Variants in SEMA3C observed in about 807,000 individuals in gnomAD.
SEMA3C encodes semaphorin 3C.
In SEMA3C, 47 loss-of-function variants were observed where a neutral mutation model predicts 89.4. That is an observed-to-expected ratio of 0.53 (90% confidence interval 0.42 to 0.67). SEMA3C has a LOEUF of 0.67. Among genes scored for constraint, SEMA3C ranks in the 30% least tolerant of loss-of-function variants. SEMA3C has a pLI of 0.00. For synonymous variants in SEMA3C, 310 were observed against 320.2 expected, an observed-to-expected ratio of 0.97 and a Z score of 0.34; for missense variants, 839 against 929.1, an observed-to-expected ratio of 0.90 and a Z score of 1.26.
chr7:80,764,990 T>C (rs899090999), intron 13 of SEMA3C, among the ~76,000 whole-genome samples, 165 bp downstream of exon 13: 1 of 152,226 alleles, frequency 6.6e-6, no homozygotes, highest in African/African-American at 2.4e-5. Context: ...GCAAAAATAT[T>C]TGTTCTGTAT....
At chr7:80,786,478 C>G (rs2115563931) in intron 12 of SEMA3C, among the ~76,000 whole-genome samples, 1 of 150,746 alleles carries the variant, frequency 6.6e-6, no homozygotes, top group South Asian at 2.1e-4. Flanking sequence ...AAAGAGAAAA[C>G]AGTCATCTTT....
At chr7:80,921,927 C>A (rs532228199), upstream of SEMA3C, among the ~76,000 whole-genome samples, 1 of 152,186 alleles carries the variant, frequency 6.6e-6, no homozygotes, top group East Asian at 1.9e-4. Context: ...TATCTTATTT[C>A]AAATTTAAAG....
At chr7:80,912,777 A>G (rs1259201621) in intron 2 of SEMA3C, among the ~76,000 whole-genome samples, 1 of 152,174 alleles carries the variant, frequency 6.6e-6, no homozygotes, top group Non-Finnish European at 1.5e-5. Context: ...AGATTAACGG[A>G]GAAATCAAGA....
chr7:80,814,043 C>CT (rs1384698147), intron 5 of SEMA3C, among the ~76,000 whole-genome samples: 1 of 147,918 alleles, frequency 6.8e-6, no homozygotes, highest in Admixed American at 6.7e-5. Flanking sequence ...CCAACATAGT[C>CT]TTTTTTTCCC....
chr7:80,803,978 T>A (rs1789275686), intron 8 of SEMA3C, 128 bp downstream of exon 8: 1 of 828,776 alleles, frequency 1.2e-6, no homozygotes, highest in African/African-American at 1.7e-5. Flanking sequence ...TGATGATGAA[T>A]AAATGTTACA....
chr7:80,885,526 A>C (rs925974654), intron 2 of SEMA3C, among the ~76,000 whole-genome samples: 2 of 152,132 alleles, frequency 1.3e-5, no homozygotes, highest in Non-Finnish European at 2.9e-5. Context: ...CTGAGGTGTG[A>C]GGATCCTTTG....
chr7:80,747,367 TG>T (rs971845769), intron 17 of SEMA3C, among the ~76,000 whole-genome samples: 18 of 152,168 alleles, frequency 1.2e-4, no homozygotes, highest in African/African-American at 4.3e-4. Flanking sequence ...AAATCATAGA[TG>T]TTATATTCAC....
intron 2 of SEMA3C, among the ~76,000 whole-genome samples, chr7:80,899,662 A>T (rs1277102510): frequency 1.3e-5 from 2 of 152,194 alleles, no homozygotes; most frequent in African/African-American, 4.8e-5. Flanking sequence ...TCAGGCAAGT[A>T]ACATAAATTA....
chr7:80,844,234 A>T (rs895747249), intron 2 of SEMA3C, among the ~76,000 whole-genome samples: 5 of 152,132 alleles, frequency 3.3e-5, no homozygotes, highest in African/African-American at 1.2e-4. Context: ...AAATAAACGT[A>T]TTGGACAGTG....
At chr7:80,898,792 T>A (rs183884972) in intron 2 of SEMA3C, among the ~76,000 whole-genome samples, 1,593 of 148,716 alleles carry the variant, frequency 0.011, 24 homozygotes, top group African/African-American at 0.037. Context: ...GTCTTATTAG[T>A]AGCCACAGCC....
chr7:80,840,646 C>T (rs921379675), intron 2 of SEMA3C, among the ~76,000 whole-genome samples: 2 of 151,132 alleles, frequency 1.3e-5, no homozygotes, highest in Non-Finnish European at 2.9e-5. Context: ...TGGAGGTACA[C>T]GAGCAACTGC....
At chr7:80,811,174 T>C (rs927522753) in intron 5 of SEMA3C, among the ~76,000 whole-genome samples, 1 of 152,134 alleles carries the variant, frequency 6.6e-6, no homozygotes, top group South Asian at 2.1e-4. Context: ...AACAAAATAA[T>C]TCATAATTCA....
Position 80,854,632 on chromosome 7 carries a change from T to C in SEMA3C, c.104-25887A>G, listed in dbSNP as rs73374809. On this transcript the variant is annotated intron_variant, in intron 2 of 17. Transcript: ENST00000265361. The stretch of plus-strand genomic sequence containing the variant: ...GTACAGGTATACCGGTGCCTATCAG[T>C]TGGGTACAAGACCTGCATCCATTAT... 5.2e-3 allele frequency among the ~76,000 whole-genome samples: 787 copies of C among 152,258 alleles called. 8 individuals carry two copies. The highest frequency in any genetic ancestry group is 0.017 in the African/African-American group (724 of 41,546).
At chr7:80,918,018 T>C (rs1457067923) in intron 1 of SEMA3C, among the ~76,000 whole-genome samples, 1 of 152,216 alleles carries the variant, frequency 6.6e-6, no homozygotes, top group Non-Finnish European at 1.5e-5. Flanking sequence ...TGTACGCTTC[T>C]TTTACCACAC....
intron 15 of SEMA3C, among the ~76,000 whole-genome samples, chr7:80,752,141 A>G (rs13223953): frequency 0.41 from 62,248 of 152,064 alleles, 13,114 homozygotes; most frequent in Non-Finnish European, 0.46. Context: ...TCAACATAAC[A>G]ATATAATTAT....
rs557101416 is a variant in SEMA3C at position 80,903,753 on chromosome 7, G to A, written c.103+12926C>T. Among the ~76,000 whole-genome samples, 126 of 152,234 alleles carry A rather than the reference G, an allele frequency of 8.3e-4. 1 individual carries two copies. Among genetic ancestry groups the A allele is most frequent in the African/African-American group, 2.8e-3 (115 of 41,550 alleles). ...ATTATGCAGTACATTAGTGTGTTAAGTATCTACTACGTATCACACATCATT... is the reference window on the plus strand; with the variant it reads ...ATTATGCAGTACATTAGTGTGTTAAATATCTACTACGTATCACACATCATT... On this transcript the variant is annotated intron_variant, in intron 2 of 17. Transcript: ENST00000265361.
intron 2 of SEMA3C, among the ~76,000 whole-genome samples, chr7:80,829,725 T>C (rs1789966015): frequency 6.6e-6 from 1 of 152,176 alleles, no homozygotes; most frequent in Non-Finnish European, 1.5e-5. Context: ...CCTGTATGGC[T>C]GGCCTTTGAA....
At chr7:80,843,552 G>T (rs929441600) in intron 2 of SEMA3C, among the ~76,000 whole-genome samples, 5 of 152,064 alleles carry the variant, frequency 3.3e-5, no homozygotes, top group Admixed American at 3.3e-4. Context: ...TATCTCATGG[G>T]ACCATTGTGC....
chr7:80,816,152 T>C (rs533754430), intron 5 of SEMA3C: 2 of 152,138 alleles, frequency 1.3e-5, no homozygotes, highest in East Asian at 3.9e-4. Context: ...GTCTCGCAAA[T>C]AATAGAAGAG....
Sources: gnomAD v4.1 joint callset for allele counts (sites outside exome capture counted in the v4.1 genomes callset) on GRCh38, gnomAD v4.1.1 for gene constraint, MANE v1.5 for transcripts, NCBI Gene and HGNC (gene_info 2026-07-23, HGNC 2026-07-21) for gene names.